Variants in VAV1 observed in about 807,000 individuals in gnomAD.
VAV1 encodes the protein proto-oncogene vav.
In VAV1, 33 loss-of-function variants were observed where a neutral mutation model predicts 128.1. The ratio of observed to expected loss-of-function variants is 0.26; its 90% CI spans 0.20 to 0.34. VAV1 has a LOEUF of 0.34. VAV1 is among the 10% of genes least tolerant of loss of function. VAV1 has a pLI of 1.00. For missense variants in VAV1, 715 were observed against 1,093.7 expected (o/e 0.65, Z 4.88); for synonymous variants, 394 against 409.8 (o/e 0.96, Z 0.47).
intron 22 of VAV1, 149 bp downstream of exon 22, chr19:6,843,315 C>T: frequency 1.1e-6 from 1 of 893,918 alleles, no homozygotes; most frequent in Non-Finnish European, 1.8e-6. Flanking sequence ...CTGGGGGCTG[C>T]TGGGGATGGG....
intron 1 of VAV1, among the ~76,000 whole-genome samples, chr19:6,817,408 G>A (rs1451202398): frequency 6.6e-6 from 1 of 151,940 alleles, no homozygotes; most frequent in African/African-American, 2.4e-5. Flanking sequence ...AGTAGGGGTT[G>A]GCAAGTATGT....
At chr19:6,855,337 G>A (rs1334913458) in intron 26 of VAV1, among the ~76,000 whole-genome samples, 1 of 152,118 alleles carries the variant, frequency 6.6e-6, no homozygotes, top group Admixed American at 6.5e-5. Flanking sequence ...TTTGAGAGAG[G>A]CTTTTGGAGC....
In VAV1 at chr19:6,822,193, A is replaced by G. The variant is rs904099795; in HGVS notation, c.450-28A>G. 5.8e-6 allele frequency: 9 copies of G among 1,552,224 alleles called. No individual in the cohort carries two copies. The African/African-American group carries it at 1.1e-4, about 19-fold the overall frequency. ...CCCTGCTGTGATCTGGGAGAGGTCC[A>G]AGGGATCCCTGACCTCACAACCCAC... On this transcript the variant is annotated intron_variant, in intron 4 of 26. Coordinates refer to ENST00000602142, the MANE Select transcript of VAV1 (RefSeq NM_005428.4). This position sits in a 1 kb window ranked among gnomAD's most constrained non-coding sequence, Gnocchi z 5.9.
chr19:6,792,582 T>C (rs1288753154), intron 1 of VAV1, among the ~76,000 whole-genome samples: 1 of 151,884 alleles, frequency 6.6e-6, no homozygotes, highest in African/African-American at 2.4e-5. Flanking sequence ...TGTTTTGTTT[T>C]GTTTGTTTTT....
chr19:6,840,902 C>T (rs190370725), intron 21 of VAV1, among the ~76,000 whole-genome samples: 154 of 152,046 alleles, frequency 1.0e-3, no homozygotes, highest in African/African-American at 3.6e-3. Context: ...ACTTCAGCCT[C>T]GAGTAGCTGG....
intron 6 of VAV1, among the ~76,000 whole-genome samples, chr19:6,824,569 T>C (rs1453432684): frequency 1.3e-5 from 2 of 151,544 alleles, no homozygotes; most frequent in Non-Finnish European, 2.9e-5. Flanking sequence ...TCTCACTCTG[T>C]CACCCAGGCT....
chr19:6,831,125 T>C (rs955442122), intron 14 of VAV1, among the ~76,000 whole-genome samples: 1 of 152,048 alleles, frequency 6.6e-6, no homozygotes, highest in African/African-American at 2.4e-5. Flanking sequence ...GTGGCTGTGG[T>C]AGGTGAGGGT....
intron 1 of VAV1, among the ~76,000 whole-genome samples, chr19:6,782,519 T>C (rs998247331): frequency 6.6e-6 from 1 of 152,154 alleles, no homozygotes; most frequent in Non-Finnish European, 1.5e-5. Flanking sequence ...TTTAATTCCA[T>C]TGAGTCCCAG....
chr19:6,830,509 G>A (rs939915507), intron 14 of VAV1, among the ~76,000 whole-genome samples: 3 of 151,522 alleles, frequency 2.0e-5, no homozygotes, highest in Non-Finnish European at 4.4e-5. Context: ...GCACGGTCTT[G>A]GCTCACTGCA....
chr19:6,852,218 T>C (rs1051837501), intron 24 of VAV1, among the ~76,000 whole-genome samples: 2 of 152,288 alleles, frequency 1.3e-5, no homozygotes, highest in African/African-American at 4.8e-5. Flanking sequence ...TCTTGCTATG[T>C]TGCCCAGGCT....
At chr19:6,840,790 A>G (rs1972355021) in intron 21 of VAV1, among the ~76,000 whole-genome samples, 1 of 151,682 alleles carries the variant, frequency 6.6e-6, no homozygotes, top group Non-Finnish European at 1.5e-5. Context: ...CTTTTAAAAA[A>G]ATTTTTGAGA....
chr19:6,850,676 C>A lies in VAV1; in HGVS notation c.2136C>A (p.Asn712Lys), dbSNP rs769969950. ...AAEFAISIKY[N>K]VEVKHIKIMT... ...GGTGACCATCTGGTTCCAGATATAA[C>A]GTCGAGGTCAAGCACATTAAAATCA... The change falls in exon 24 of 27, where the codon AAC becomes AAA. Residue 712 changes from asparagine (N) to lysine (K), a missense_variant. Physicochemically the swap from Asn to Lys is moderately conservative, Grantham distance 94. Transcript: ENST00000602142. 9 of 1,614,030 alleles carry A rather than the reference C, an allele frequency of 5.6e-6. No homozygotes were observed. The highest frequency in any genetic ancestry group is 7.6e-6 in the Non-Finnish European group (9 of 1,179,988).
rs972422390 is a variant in VAV1 at position 6,829,906 on chromosome 19, A to C, written c.1386A>C (p.Arg462=). The C allele has an allele frequency of 6.2e-7, 1 of 1,614,056 alleles. No individual in the cohort carries two copies. Among genetic ancestry groups the C allele is most frequent in the African/African-American group, 1.3e-5 (1 of 74,932 alleles). The part of the protein sequence containing the change: ...FQVRDDSSGD[R]DNKKWSHMFL... ...TTCGGGATGACTCTTCAGGAGACCG[A>C]GACAACAAGAAGGTGGGGCTTTGAC... Residue 462 remains arginine (R), a synonymous_variant, in exon 14 of 27, where the codon CGA becomes CGC. Coordinates refer to ENST00000602142, the MANE Select transcript of VAV1 (RefSeq NM_005428.4).
chr19:6,823,495 AATAG>A (rs935887229), intron 6 of VAV1, among the ~76,000 whole-genome samples: 2 of 151,204 alleles, frequency 1.3e-5, no homozygotes, highest in African/African-American at 4.8e-5. Context: ...TAAGATATGT[AATAG>A]ATACAAATAT....
At chr19:6,802,187 T>C (rs947850952) in intron 1 of VAV1, among the ~76,000 whole-genome samples, 2 of 151,786 alleles carry the variant, frequency 1.3e-5, no homozygotes, top group African/African-American at 2.4e-5. Context: ...CAGGGGACTG[T>C]TGTGGGGTCG....
chr19:6,805,830 G>A (rs553906319), intron 1 of VAV1, among the ~76,000 whole-genome samples: 2 of 151,720 alleles, frequency 1.3e-5, no homozygotes, highest in Admixed American at 6.6e-5. Context: ...GAAACTAAAA[G>A]AGAGGAGGAA....
intron 1 of VAV1, among the ~76,000 whole-genome samples, chr19:6,815,390 G>A (rs1209568642): frequency 2.5e-4 from 38 of 152,006 alleles, no homozygotes; most frequent in Middle Eastern, 3.2e-3. Flanking sequence ...TGATCCTCTC[G>A]CCTTGGTTTC....
chr19:6,786,306 C>T (rs768307810), intron 1 of VAV1, among the ~76,000 whole-genome samples: 4 of 152,088 alleles, frequency 2.6e-5, no homozygotes, highest in Non-Finnish European at 4.4e-5. Context: ...CCCAAGCTGC[C>T]TCGTGTTTTA....
At chr19:6,801,984 A>T (rs1971282830) in intron 1 of VAV1, among the ~76,000 whole-genome samples, 1 of 151,882 alleles carries the variant, frequency 6.6e-6, no homozygotes, top group Middle Eastern at 3.2e-3. Context: ...TGGAGGAAGG[A>T]AGAGGGGCAC....
Sources: gnomAD v4.1 joint callset for allele counts (sites outside exome capture counted in the v4.1 genomes callset) on GRCh38, gnomAD v4.1.1 for gene constraint, Gnocchi (gnomAD v3.1) non-coding constraint, MANE v1.5 for transcripts, NCBI Gene and HGNC (gene_info 2026-07-23, HGNC 2026-07-21) for gene names.